The following C3orf49 variants were observed in gnomAD, a reference collection of about 807,000 sequenced individuals.
The protein encoded by C3orf49 is putative uncharacterized protein C3orf49.
Under a neutral mutation model 13.3 loss-of-function variants are expected in C3orf49, and 27 were observed. The observed-to-expected ratio is 2.02, with a 90% confidence interval of 1.49 to 2.79. The LOEUF (loss-of-function observed/expected upper bound fraction) is 2.79, where lower values mean the gene tolerates loss of function less well. Ranked by LOEUF, C3orf49 falls within the 30% of genes most tolerant of loss-of-function variation. The pLI, the probability that C3orf49 is intolerant of heterozygous loss-of-function variation, is 0.00. For missense variants in C3orf49, 242 were observed against 134.2 expected, an observed-to-expected ratio of 1.80 and a Z score of -3.97; for synonymous variants, 87 against 47.6, an observed-to-expected ratio of 1.83 and a Z score of -3.40.
chr3:63,847,706 C>T (rs1171251269), intron 6 of C3orf49, among the ~76,000 whole-genome samples: 1 of 104,078 alleles, frequency 9.6e-6, no homozygotes, highest in Non-Finnish European at 2.4e-5. Context: ...AACTGCACTC[C>T]AGTCTGGGCA....
At chr3:63,797,342 C>G in the C3orf49 span, among the ~76,000 whole-genome samples, 4 of 152,080 alleles carry the variant, frequency 2.6e-5, no homozygotes, top group Non-Finnish European at 5.9e-5. Flanking sequence ...AAGGCTCAGA[C>G]AAAGACTTTT....
the C3orf49 span, among the ~76,000 whole-genome samples, chr3:63,796,774 CT>C: frequency 6.6e-6 from 1 of 152,106 alleles, no homozygotes; most frequent in Non-Finnish European, 1.5e-5. Context: ...TTAAAGTGAT[CT>C]TTTAGATCAA....
the C3orf49 span, among the ~76,000 whole-genome samples, chr3:63,812,939 G>C: frequency 1.3e-5 from 2 of 152,158 alleles, no homozygotes; most frequent in African/African-American, 4.8e-5. Context: ...TTAAATCTTT[G>C]TTATACATTA....
At chr3:63,836,202 T>G in intron 5 of C3orf49, 1 of 1,143,546 alleles carries the variant, frequency 8.7e-7, no homozygotes. Context: ...CCCCTCCTTT[T>G]GAAACATATT....
chr3:63,793,085 C>T, the C3orf49 span, among the ~76,000 whole-genome samples: 2 of 152,156 alleles, frequency 1.3e-5, no homozygotes, highest in East Asian at 3.9e-4. Context: ...TTGACACTGA[C>T]CACAGTGGGT....
the C3orf49 span, among the ~76,000 whole-genome samples, chr3:63,784,393 C>T: frequency 6.6e-6 from 1 of 152,156 alleles, no homozygotes; most frequent in African/African-American, 2.4e-5. Context: ...GGCTATAATC[C>T]ATTATTCCCA....
chr3:63,839,391 C>T (rs1377947562), intron 5 of C3orf49, among the ~76,000 whole-genome samples: 1 of 152,108 alleles, frequency 6.6e-6, no homozygotes, highest in African/African-American at 2.4e-5. Flanking sequence ...TTACTAAACA[C>T]TTATGTCCTA....
chr3:63,785,616 G>A, the C3orf49 span, among the ~76,000 whole-genome samples: 2 of 152,212 alleles, frequency 1.3e-5, no homozygotes, highest in Non-Finnish European at 1.5e-5. Flanking sequence ...GAGATGGCAT[G>A]TGTGTGCATT....
At chr3:63,837,694 T>C (rs1220041963) in intron 5 of C3orf49, among the ~76,000 whole-genome samples, 1 of 151,518 alleles carries the variant, frequency 6.6e-6, no homozygotes, top group African/African-American at 2.4e-5. Flanking sequence ...GGGTCCAAGA[T>C]GGTAAAAATT....
chr3:63,794,524 C>T, the C3orf49 span, among the ~76,000 whole-genome samples: 5 of 151,902 alleles, frequency 3.3e-5, no homozygotes, highest in Non-Finnish European at 5.9e-5. Flanking sequence ...GAAAATTCTT[C>T]GAAAGTTGTC....
intron 1 of C3orf49, among the ~76,000 whole-genome samples, chr3:63,822,433 C>T (rs1158401086): frequency 6.6e-6 from 1 of 152,172 alleles, no homozygotes; most frequent in Non-Finnish European, 1.5e-5. Context: ...AATTGTATCA[C>T]CGTACAGGTG....
Position 63,831,212 on chromosome 3 carries a change from C to T in C3orf49, c.673C>T (p.Leu225Phe). 1.4e-6 allele frequency: 1 copy of T among 702,534 alleles called. No homozygotes were observed. Among genetic ancestry groups the T allele is most frequent in the Middle Eastern group, 2.3e-4 (1 of 4,366 alleles). 43.5% of individuals were successfully genotyped at this position (702,534 alleles called of 1,614,324 possible). A position where few individuals can be genotyped will look rare whatever the true frequency, so the allele number is the denominator to read the frequency against. ...AAAATCAGATTTGACAGTAGGAAAG[C>T]TTCAAATGCAGGTAGTGGACAAAGG... ...LRKSDLTVGK[L>F]QMQVDDLIET... Residue 225 changes from leucine to phenylalanine, a missense_variant, in exon 4 of 7, where the codon CTT becomes TTT. By Grantham distance (22) the Leu-to-Phe change is conservative. Transcript: ENST00000295896.
At chr3:63,838,071 G>C (rs199612857) in intron 5 of C3orf49, 3 of 1,582,962 alleles carry the variant, frequency 1.9e-6, no homozygotes, top group East Asian at 2.3e-5. Flanking sequence ...TTCTATATGA[G>C]AAGGTTTTTT....
At chr3:63,787,531 A>T in the C3orf49 span, among the ~76,000 whole-genome samples, 1,162 of 152,294 alleles carry the variant, frequency 7.6e-3, 17 homozygotes, top group African/African-American at 0.026. Context: ...ATAAAATTCA[A>T]TACCCTTTTT....
chr3:63,796,691 CTT>C, the C3orf49 span, among the ~76,000 whole-genome samples: 86 of 152,262 alleles, frequency 5.6e-4, no homozygotes, highest in African/African-American at 1.9e-3. Flanking sequence ...AGTTTCTCCT[CTT>C]GTCACTTATG....
rs371275122 is a variant in C3orf49 at position 63,834,919 on chromosome 3, A to G, written c.849+3075A>G. Among the ~76,000 whole-genome samples, 130 of 152,248 alleles carry G rather than the reference A, an allele frequency of 8.5e-4. 2 individuals carry two copies. In the South Asian group the frequency reaches 0.024, roughly 29 times the overall value. On this transcript the variant is annotated intron_variant, in intron 5 of 6. Coordinates refer to ENST00000295896, the MANE Select transcript of C3orf49 (RefSeq NM_001355236.2). ...AAAGATTCCAAATCTATCATCCTTG[A>G]ATTTTTCTTAATTTAAACCACTATG...
At chr3:63,815,942 T>C (rs1383890128), upstream of C3orf49, among the ~76,000 whole-genome samples, 4 of 151,446 alleles carry the variant, frequency 2.6e-5, no homozygotes, top group Non-Finnish European at 5.9e-5. Flanking sequence ...TGTGCCACCA[T>C]GCCCAGCTAA....
At chr3:63,791,981 A>G in the C3orf49 span, among the ~76,000 whole-genome samples, 1 of 152,176 alleles carries the variant, frequency 6.6e-6, no homozygotes, top group South Asian at 2.1e-4. Context: ...TCCTTCAAAT[A>G]TTTACACTCA....
chr3:63,782,886 G>C, the C3orf49 span: 1 of 152,200 alleles, frequency 6.6e-6, no homozygotes, highest in South Asian at 2.1e-4. Flanking sequence ...ACAGACACAT[G>C]CAAAGGAGAA....
Sources: gnomAD v4.1 joint callset for allele counts (sites outside exome capture counted in the v4.1 genomes callset) on GRCh38, gnomAD v4.1.1 for gene constraint, MANE v1.5 for transcripts, NCBI Gene and HGNC (gene_info 2026-07-23, HGNC 2026-07-21) for gene names.